Variants in BTAF1 observed in about 807,000 individuals in gnomAD.
BTAF1 encodes B-TFIID TATA-box binding protein associated factor 1.
A neutral mutation model predicts 227.1 loss-of-function variants in BTAF1; 38 were observed. The observed-to-expected ratio is 0.17, with a 90% CI of 0.13 to 0.22. The LOEUF is 0.22. Ranked by LOEUF, BTAF1 falls within the 10% of genes least tolerant of loss-of-function variation. The pLI is 1.00. For synonymous variants in BTAF1, 742 were observed against 751.9 expected, an observed-to-expected ratio of 0.99 and a Z score of 0.21; for missense variants, 1,598 against 2,204.0, an observed-to-expected ratio of 0.73 and a Z score of 5.51.
At chr10:91,956,409 TG>T (rs1846089331) in intron 6 of BTAF1, 118 bp from the exon 7 acceptor site, 2 of 1,232,482 alleles carry the variant, frequency 1.6e-6, no homozygotes, top group Admixed American at 6.2e-5. Context: ...GTAAAACATT[TG>T]TTTAAATGAT....
At chr10:91,981,114 T>G (rs1361855412) in intron 15 of BTAF1, among the ~76,000 whole-genome samples, 1 of 152,152 alleles carries the variant, frequency 6.6e-6, no homozygotes, top group Non-Finnish European at 1.5e-5. Flanking sequence ...AACCTTGGAT[T>G]AACAGTGGTG....
At position 91,950,161 on chromosome 10, in the gene BTAF1, GAA is replaced by G. The variant is rs10706225; in HGVS notation, c.401-1240_401-1239del. The stretch of plus-strand genomic sequence containing the variant: ...CCTTGTCCTTTGTGGGGGGGGGCGG[GAA>G]AGAAGACTAGGTTTTTAATTCAGAT... On this transcript the variant is annotated intron_variant, in intron 4 of 37. Coordinates refer to ENST00000265990, the MANE Select transcript of BTAF1 (RefSeq NM_003972.3). 1.3e-3 allele frequency among the ~76,000 whole-genome samples: 86 copies of G among 68,478 alleles called. 2 individuals carry two copies. The highest frequency in any genetic ancestry group is 7.4e-3 in the Middle Eastern group (1 of 136). 44.9% of individuals were successfully genotyped at this position (68,478 alleles called of 152,430 possible).
At chr10:92,014,687 A>C (rs922309702) in intron 32 of BTAF1, among the ~76,000 whole-genome samples, 6 of 152,208 alleles carry the variant, frequency 3.9e-5, no homozygotes, top group African/African-American at 1.4e-4. Flanking sequence ...TTTTGCAAAT[A>C]AAGTGACATT....
chr10:91,995,681 A>G (rs942015875), intron 23 of BTAF1, among the ~76,000 whole-genome samples: 1 of 152,114 alleles, frequency 6.6e-6, no homozygotes, highest in Admixed American at 6.5e-5. Flanking sequence ...GTCTCAAAAA[A>G]AAAAAGAAGG....
chr10:91,950,832 ATTTTT>A (rs375509577), intron 4 of BTAF1, among the ~76,000 whole-genome samples: 1 of 132,596 alleles, frequency 7.5e-6, no homozygotes. Context: ...ATAGAGATGT[ATTTTT>A]TTTTTTTTTT....
chr10:91,959,762 ATATAT>A lies in BTAF1; in HGVS notation c.991-22_991-18del. 1.9e-6 allele frequency: 1 copy of A among 520,892 alleles called. No individual in the cohort carries two copies. Among genetic ancestry groups the A allele is most frequent in the African/African-American group, 2.2e-5 (1 of 46,056 alleles). The allele number at this position is 520,892 out of a possible 1,614,324, so 32.3% of individuals were successfully genotyped here. A position where few individuals can be genotyped will look rare whatever the true frequency, so the allele number is the denominator to read the frequency against. ...TGTGTATATATATATATATATATAT[ATATAT>A]ATATTATATTTTAACAGATGATTCA... On this transcript the variant is annotated intron_variant, in intron 9 of 37. Coordinates refer to ENST00000265990, the MANE Select transcript of BTAF1 (RefSeq NM_003972.3).
chr10:92,015,370 A>C (rs925661003), intron 32 of BTAF1, among the ~76,000 whole-genome samples: 2 of 152,202 alleles, frequency 1.3e-5, no homozygotes, highest in African/African-American at 4.8e-5. Flanking sequence ...AATAAGAGAT[A>C]TACATACCCA....
chr10:91,969,895 C>G (rs1038957558), intron 14 of BTAF1, among the ~76,000 whole-genome samples: 1 of 151,452 alleles, frequency 6.6e-6, no homozygotes, highest in Non-Finnish European at 1.5e-5. Context: ...ACCTGGGAGG[C>G]AGAGGCTGCA....
At chr10:91,932,630 G>A (rs1462371917) in intron 1 of BTAF1, among the ~76,000 whole-genome samples, 2 of 152,138 alleles carry the variant, frequency 1.3e-5, no homozygotes, top group Non-Finnish European at 2.9e-5. Flanking sequence ...AAATTAATGT[G>A]AGAGATGCCA....
chr10:91,955,174 A>G (rs1191013755), intron 6 of BTAF1, among the ~76,000 whole-genome samples: 1 of 152,244 alleles, frequency 6.6e-6, no homozygotes, highest in African/African-American at 2.4e-5. Context: ...TTAAGATCAT[A>G]TAGTAACCTA....
chr10:91,981,753 C>A lies in BTAF1; in HGVS notation c.1866C>A (p.Ile622=). The change falls in exon 16 of 38, where the codon ATC becomes ATA. Residue 622 remains isoleucine, a synonymous_variant. Transcript: ENST00000265990. ...TGATGCAGCCTTCTCATTTACCTAT[C>A]GATTTAAATATGTTGCTAGAAGTAA... ...CLMMQPSHLP[I]DLNMLLEVKA... The A allele has an allele frequency of 6.2e-7, 1 of 1,613,544 alleles. No individual in the cohort carries two copies. Among genetic ancestry groups the A allele is most frequent in the Non-Finnish European group, 8.5e-7 (1 of 1,179,770 alleles).
At chr10:92,002,128 A>G (rs1166483920) in intron 25 of BTAF1, among the ~76,000 whole-genome samples, 1 of 152,112 alleles carries the variant, frequency 6.6e-6, no homozygotes, top group Non-Finnish European at 1.5e-5. Flanking sequence ...TTATAAATAA[A>G]AACACACTGG....
At chr10:92,016,202 A>G in intron 32 of BTAF1, 138 bp from the exon 33 acceptor site, 1 of 982,710 alleles carries the variant, frequency 1.0e-6, no homozygotes, top group Non-Finnish European at 1.4e-6. Flanking sequence ...TCCTGTAGTG[A>G]ATTAGAGATA....
chr10:91,966,497 C>A, intron 13 of BTAF1, 140 bp from the exon 14 acceptor site: 1 of 812,316 alleles, frequency 1.2e-6, no homozygotes, highest in Non-Finnish European at 1.9e-6. Context: ...CATATGAAAA[C>A]TGTATTATCT....
At chr10:92,002,749 A>G (rs1358093203) in intron 25 of BTAF1, among the ~76,000 whole-genome samples, 1 of 152,144 alleles carries the variant, frequency 6.6e-6, no homozygotes, top group Non-Finnish European at 1.5e-5. Flanking sequence ...TTTTAATTAG[A>G]TTTAATTGAA....
intron 19 of BTAF1, among the ~76,000 whole-genome samples, chr10:91,988,734 T>C (rs1030433220): frequency 6.6e-6 from 1 of 152,262 alleles, no homozygotes; most frequent in Non-Finnish European, 1.5e-5. Context: ...TCTTAAGTTT[T>C]CACGAGTTTT....
Position 92,018,837 on chromosome 10 carries a change from C to G in BTAF1, c.4765C>G (p.Gln1589Glu). The G allele has an allele frequency of 1.2e-6, 2 of 1,610,690 alleles. No homozygotes were observed. Among genetic ancestry groups the G allele is most frequent in the Non-Finnish European group, 1.7e-6 (2 of 1,179,064 alleles). The change falls in exon 34 of 38, where the codon CAA becomes GAA. Residue 1589 changes from glutamine to glutamate, a missense_variant. Gln to Glu is a conservative substitution (Grantham distance 29). This residue lies in a region of BTAF1 where 205 missense variants were observed against 244.5 expected (regional missense o/e 0.84). Coordinates refer to ENST00000265990, the MANE Select transcript of BTAF1 (RefSeq NM_003972.3). Reference sequence around the variant, plus strand: ...CCATCCAGCATTAGTCTTAACACCTCAACATCCAGAATTCAAGACCACTGC... The same window carrying G: ...CCATCCAGCATTAGTCTTAACACCTGAACATCCAGAATTCAAGACCACTGC... ...CNHPALVLTPQHPEFKTTAEK... is the reference protein window; with the variant it reads ...CNHPALVLTPEHPEFKTTAEK...
chr10:91,991,795 G>GTATATATATA (rs1489317546), intron 20 of BTAF1, among the ~76,000 whole-genome samples: 15 of 5,636 alleles, frequency 2.7e-3, no homozygotes, highest in African/African-American at 3.5e-3. Context: ...GTGTGTGTGT[G>GTATATATATA]TGTATATATA....
chr10:91,995,151 T>G (rs1252877116), intron 23 of BTAF1, among the ~76,000 whole-genome samples: 2 of 152,042 alleles, frequency 1.3e-5, no homozygotes, highest in Non-Finnish European at 1.5e-5. Flanking sequence ...AGGAGGAAAA[T>G]AGAGAATTAT....
Sources: allele counts gnomAD v4.1 joint callset (sites outside exome capture counted in the v4.1 genomes callset), GRCh38; gene constraint gnomAD v4.1.1; regional missense constraint gnomAD v4.1.1; transcripts MANE v1.5; gene names NCBI Gene and HGNC (gene_info 2026-07-23, HGNC 2026-07-21).